Variants in NPIPB6 observed in about 807,000 individuals in gnomAD.
NPIPB6 encodes nuclear pore complex-interacting protein family member B6.
A neutral mutation model predicts 20.0 loss-of-function variants in NPIPB6; 2 were observed. The ratio of observed to expected loss-of-function variants is 0.10; its 90% CI spans 0.04 to 0.31. The LOEUF (loss-of-function observed/expected upper bound fraction) is 0.31. Ranked by LOEUF, NPIPB6 falls within the 10% of genes least tolerant of loss-of-function variation. The probability of loss-of-function intolerance (pLI) is 1.00; values close to 1 mark genes in which losing one functional copy is unlikely to be tolerated. For missense variants in NPIPB6, 96 were observed against 293.7 expected (o/e 0.33, Z 4.92); for synonymous variants, 35 against 116.3 (o/e 0.30, Z 4.50).
At chr16:28,359,049 T>A (rs1596582409) in intron 1 of NPIPB6, among the ~76,000 whole-genome samples, 1 of 102,838 alleles carries the variant, frequency 9.7e-6, no homozygotes, top group African/African-American at 4.2e-5. Flanking sequence ...ACCATTGCAC[T>A]CCAGCCTGGG....
rs2045444843 is a variant in NPIPB6 at position 28,361,788 on chromosome 16, A to ATC, written c.120+913_120+914dup. Among the ~76,000 whole-genome samples the ATC allele has an allele frequency of 6.1e-5, 7 of 114,716 alleles. No individual in the cohort carries two copies. In the East Asian group the frequency reaches 8.7e-4, roughly 14 times the overall value. The allele number at this position is 114,716 out of a possible 152,430, so 75.3% of individuals were successfully genotyped here. A position where few individuals can be genotyped will look rare whatever the true frequency, so the allele number is the denominator to read the frequency against. On this transcript the variant is annotated intron_variant, in intron 1 of 6. Coordinates refer to ENST00000532254, the Ensembl canonical transcript of NPIPB6. ...TGTGTGTATGTGTGTGTGTGTGTGT[A>ATC]TCTATATAAATCTCAAAAATAAAAG...
At chr16:28,360,972 T>C (rs2141634951) in intron 1 of NPIPB6, among the ~76,000 whole-genome samples, 1 of 44,870 alleles carries the variant, frequency 2.2e-5, no homozygotes, top group East Asian at 3.8e-4. Flanking sequence ...ACCTAGCCCA[T>C]CCTAGCAGGC....
rs71225064 is a variant in NPIPB6 at position 28,349,547 on chromosome 16, TCACACACACA to T, written c.304-316_304-307del. On this transcript the variant is annotated intron_variant, in intron 2 of 6. Transcript: ENST00000532254. ...GCCTGAGCGACAGAATGAGACTCTG[TCACACACACA>T]CACACACACACACACACACACACAC... 2.0e-3 allele frequency among the ~76,000 whole-genome samples: 118 copies of T among 57,648 alleles called. 2 individuals carry two copies. Among genetic ancestry groups the T allele is most frequent in the East Asian group, 0.014 (25 of 1,826 alleles). 37.8% of individuals were successfully genotyped at this position (57,648 alleles called of 152,430 possible).
chr16:28,349,924 T>G (rs1596572057), intron 2 of NPIPB6, among the ~76,000 whole-genome samples: 1 of 94,966 alleles, frequency 1.1e-5, no homozygotes, highest in African/African-American at 3.5e-5. Context: ...AGAGCCCAGG[T>G]GCGGTAGCTC....
intron 2 of NPIPB6, among the ~76,000 whole-genome samples, chr16:28,351,674 G>A (rs1284148902): frequency 1.7e-5 from 2 of 120,728 alleles, no homozygotes; most frequent in Admixed American, 8.3e-5. Context: ...AAAAAAAAAA[G>A]CTTCCTCCAA....
At chr16:28,348,253 G>T (rs1223772491) in intron 4 of NPIPB6, among the ~76,000 whole-genome samples, 1 of 110,750 alleles carries the variant, frequency 9.0e-6, no homozygotes, top group African/African-American at 3.1e-5. Context: ...CAGCCAGGGC[G>T]ACAGAGCGAG....
intron 4 of NPIPB6, among the ~76,000 whole-genome samples, chr16:28,348,045 G>A (rs1274672488): frequency 8.5e-6 from 1 of 117,816 alleles, no homozygotes; most frequent in South Asian, 2.5e-4. Flanking sequence ...GGGAGGTGGA[G>A]GTTGCAGTGA....
Position 28,346,330 on chromosome 16 carries a change from C to G in NPIPB6, c.600-1577G>C, listed in dbSNP as rs568995151. On this transcript the variant is annotated intron_variant, in intron 4 of 6. Coordinates refer to ENST00000532254, the Ensembl canonical transcript of NPIPB6. Reference sequence around the variant, plus strand: ...CTCTTCCTGTGTGAGACCTGATTCTCAGTCAGAGGCTGATGCCGGAACTGA... The same window carrying G: ...CTCTTCCTGTGTGAGACCTGATTCTGAGTCAGAGGCTGATGCCGGAACTGA... The G allele has an allele frequency of 1.5e-3, 1,173 of 806,048 alleles. 303 individuals carry two copies. Among genetic ancestry groups the G allele is most frequent in the Non-Finnish European group, 1.7e-3 (1,142 of 677,704 alleles). The allele number at this position is 806,048 out of a possible 1,614,324, so 49.9% of individuals were successfully genotyped here.
At chr16:28,361,730 A>C (rs1176072756) in intron 1 of NPIPB6, among the ~76,000 whole-genome samples, 1,077 of 100,618 alleles carry the variant, frequency 0.011, no homozygotes, top group African/African-American at 0.04. Flanking sequence ...CTCTCTCTAT[A>C]TGTGTGTGTG....
intron 4 of NPIPB6, chr16:28,346,317 G>A: frequency 1.2e-6 from 1 of 810,414 alleles, no homozygotes; most frequent in South Asian, 5.2e-5. Flanking sequence ...CTTCCTGTGT[G>A]AGACCTGATT....
At position 28,346,295 on chromosome 16, in the gene NPIPB6, C is replaced by T. The variant is rs1181898782; in HGVS notation, c.600-1542G>A. 2.5e-6 allele frequency: 2 copies of T among 807,616 alleles called. 1 individual carries two copies. The highest frequency in any genetic ancestry group is 4.4e-5 in the African/African-American group (2 of 45,514). The allele number at this position is 807,616 out of a possible 1,614,324, so 50.0% of individuals were successfully genotyped here. A position where few individuals can be genotyped will look rare whatever the true frequency, so the allele number is the denominator to read the frequency against. On this transcript the variant is annotated intron_variant, in intron 4 of 6. Transcript: ENST00000532254. ...ACTCCATAGGAAGCAGAGGATTGCT[C>T]CTCATCTGACTCTTCCTGTGTGAGA...
intron 2 of NPIPB6, among the ~76,000 whole-genome samples, chr16:28,351,718 G>A (rs1288427380): frequency 1.8e-5 from 2 of 110,798 alleles, no homozygotes; most frequent in African/African-American, 3.0e-5. Context: ...AGGACTAAGT[G>A]GCATAGAGAA....
Position 28,349,889 on chromosome 16 carries a change from CAAAA to C in NPIPB6, c.304-652_304-649del, listed in dbSNP as rs1178858068. Among the ~76,000 whole-genome samples the C allele has an allele frequency of 9.5e-4, 16 of 16,870 alleles. 2 individuals carry two copies. The highest frequency in any genetic ancestry group is 1.5e-3 in the Non-Finnish European group (11 of 7,398). 11.1% of individuals were successfully genotyped at this position (16,870 alleles called of 152,430 possible). A position where few individuals can be genotyped will look rare whatever the true frequency, so the allele number is the denominator to read the frequency against. On this transcript the variant is annotated intron_variant, in intron 2 of 6. Transcript: ENST00000532254. Reference sequence around the variant, plus strand: ...GGGCAACAAAATTGAAACTCTGTCTCAAAAAAAAAAAAAAAAAAAAAAAAAGAGC... The same window carrying C: ...GGGCAACAAAATTGAAACTCTGTCTCAAAAAAAAAAAAAAAAAAAAAGAGC...
intron 1 of NPIPB6, among the ~76,000 whole-genome samples, chr16:28,361,770 A>C (rs60465954): frequency 5.5e-5 from 4 of 72,764 alleles, no homozygotes; most frequent in Non-Finnish European, 1.2e-4. Flanking sequence ...GTGTGTGTGT[A>C]TGTGTGTGTG....
At chr16:28,347,904 G>T (rs1375224473) in intron 4 of NPIPB6, among the ~76,000 whole-genome samples, 14 of 110,046 alleles carry the variant, frequency 1.3e-4, no homozygotes, top group Non-Finnish European at 2.5e-4. Flanking sequence ...GATGTCCAGA[G>T]TTCTAGACCA....
At chr16:28,346,226 T>C (rs2045078650) in intron 4 of NPIPB6, 1 of 811,752 alleles carries the variant, frequency 1.2e-6, no homozygotes, top group South Asian at 5.1e-5. Flanking sequence ...AAGATCATTT[T>C]AGTTCAGTGT....
intron 4 of NPIPB6, among the ~76,000 whole-genome samples, chr16:28,348,109 C>CAAAA (rs57988390): frequency 3.2e-5 from 2 of 63,028 alleles, no homozygotes; most frequent in African/African-American, 1.2e-4. Flanking sequence ...GACTCTGTCT[C>CAAAA]AAAAAAAAAA....
At chr16:28,360,569 C>G (rs566117168) in intron 1 of NPIPB6, among the ~76,000 whole-genome samples, 5 of 138,152 alleles carry the variant, frequency 3.6e-5, no homozygotes, top group Admixed American at 1.5e-4. Flanking sequence ...GTTCCCCACT[C>G]TCCTCCTCTG....
intron 1 of NPIPB6, among the ~76,000 whole-genome samples, chr16:28,360,312 A>G (rs2141633463): frequency 7.9e-6 from 1 of 126,926 alleles, no homozygotes; most frequent in African/African-American, 2.7e-5. Context: ...TTCCAAATCA[A>G]CTCTCTCAAT....
Sources: allele counts gnomAD v4.1 joint callset (sites outside exome capture counted in the v4.1 genomes callset), GRCh38; gene constraint gnomAD v4.1.1; transcripts MANE v1.5; gene names NCBI Gene and HGNC (gene_info 2026-07-23, HGNC 2026-07-21).